MGST1: variants seen among roughly 807,000 people sequenced by gnomAD.
MGST1 encodes glutathione S-transferase 12.
Under a neutral mutation model 8.9 loss-of-function variants are expected in MGST1, and 5 were observed. The ratio of observed to expected loss-of-function variants is 0.56; its 90% CI spans 0.29 to 1.19. The LOEUF (loss-of-function observed/expected upper bound fraction) is 1.19. MGST1 is among the 50% of genes most tolerant of loss of function. The pLI, the probability that MGST1 is intolerant of heterozygous loss-of-function variation, is 0.08. For synonymous variants in MGST1, 54 were observed against 67.8 expected (o/e 0.80, Z 1.00); for missense variants, 182 against 187.4 (o/e 0.97, Z 0.17).
chr12:16,472,894 G>C (rs1476273520), intron 4 of MGST1, among the ~76,000 whole-genome samples: 5 of 152,158 alleles, frequency 3.3e-5, no homozygotes, highest in Non-Finnish European at 7.4e-5. Context: ...TTTGAGCCAA[G>C]CTCTAAAGGC....
At chr12:16,488,766 A>G (rs917549261) in intron 4 of MGST1, among the ~76,000 whole-genome samples, 1 of 152,116 alleles carries the variant, frequency 6.6e-6, no homozygotes, top group Non-Finnish European at 1.5e-5. Context: ...CCATAATGTC[A>G]TGAGTGTGCA....
chr12:16,452,314 TTGCCACATCATATACTAGTGGATG>T (rs1323125139), intron 4 of MGST1, among the ~76,000 whole-genome samples: 1 of 151,722 alleles, frequency 6.6e-6, no homozygotes, highest in African/African-American at 2.4e-5. Context: ...GATAGCAAGA[TTGCCACATCATATACTAGTGGATG>T]CTCTCAAATT....
At chr12:16,394,378 C>G (rs1317021098) in intron 1 of MGST1, among the ~76,000 whole-genome samples, 1 of 148,582 alleles carries the variant, frequency 6.7e-6, no homozygotes, top group Non-Finnish European at 1.5e-5. Context: ...CTTTCTTTCT[C>G]TTTCTTTTTC....
intron 4 of MGST1, among the ~76,000 whole-genome samples, chr12:16,558,634 C>T (rs997156430): frequency 6.6e-5 from 10 of 152,032 alleles, no homozygotes; most frequent in Admixed American, 1.3e-4. Context: ...ATTCTCAGTA[C>T]TTGCTGGGAA....
exon 4 of MGST1, chr12:16,376,447 G>A (rs1033938078): frequency 1.4e-5 from 3 of 217,760 alleles, no homozygotes; most frequent in Non-Finnish European, 2.7e-5. Context: ...AAATGCAAAG[G>A]ATTAAAATAG....
chr12:16,578,681 G>T (rs866092087), intron 4 of MGST1, among the ~76,000 whole-genome samples: 7 of 152,018 alleles, frequency 4.6e-5, no homozygotes, highest in African/African-American at 1.7e-4. Context: ...AGCCAGGTGT[G>T]GTGGTGCATG....
chr12:16,421,291 T>A (rs1940833195), intron 1 of MGST1, among the ~76,000 whole-genome samples: 1 of 152,160 alleles, frequency 6.6e-6, no homozygotes, highest in African/African-American at 2.4e-5. Flanking sequence ...TGGTGACTCC[T>A]TTCCTTCCCT....
chr12:16,564,703 T>C (rs1942529015), intron 4 of MGST1, among the ~76,000 whole-genome samples: 1 of 152,196 alleles, frequency 6.6e-6, no homozygotes, highest in Non-Finnish European at 1.5e-5. Context: ...AATGCACAAA[T>C]ATGTCACTGC....
intron 4 of MGST1, among the ~76,000 whole-genome samples, chr12:16,469,772 A>G (rs1248138305): frequency 6.6e-6 from 1 of 152,204 alleles, no homozygotes; most frequent in Non-Finnish European, 1.5e-5. Flanking sequence ...GTAATTTGTA[A>G]TTATCTCAAA....
At chr12:16,421,240 T>C (rs1940832887) in intron 1 of MGST1, among the ~76,000 whole-genome samples, 1 of 152,132 alleles carries the variant, frequency 6.6e-6, no homozygotes, top group Admixed American at 6.6e-5. Flanking sequence ...AGAGTAGCCA[T>C]ATCTCCCCCT....
rs1036098212 is a variant in MGST1, at chr12:16,479,659, G to A, written n.482+96055G>A. Reference sequence around the variant, plus strand: ...AGCCATCCTCCCACCTCAGCCTCCTGAGGGGCTGGGACTACAGGTGCATGC... The same window carrying A: ...AGCCATCCTCCCACCTCAGCCTCCTAAGGGGCTGGGACTACAGGTGCATGC... On this transcript the variant is annotated intron_variant and non_coding_transcript_variant, in intron 4 of 4. Transcript: ENST00000538857. 7.3e-5 allele frequency among the ~76,000 whole-genome samples: 11 copies of A among 150,930 alleles called. No homozygotes were observed. In the East Asian group the frequency reaches 1.8e-3, roughly 24 times the overall value.
intron 1 of MGST1, among the ~76,000 whole-genome samples, chr12:16,430,883 C>T (rs1008676191): frequency 6.6e-6 from 1 of 152,174 alleles, no homozygotes; most frequent in African/African-American, 2.4e-5. Flanking sequence ...TCCTCTCTAG[C>T]TGTGAAAGTC....
rs720146 is a variant in MGST1 at position 16,392,529 on chromosome 12, C to G, written n.778+8925C>G. On this transcript the variant is annotated intron_variant and non_coding_transcript_variant, in intron 1 of 1. Transcript: ENST00000359720. ...TTCCATACATTTCAGTTTCATTTTT[C>G]TCCCAGTATGTACATAGTTTGAATG... Among the ~76,000 whole-genome samples, 191 of 152,314 alleles carry G rather than the reference C, an allele frequency of 1.3e-3. 3 individuals are homozygous for G. The East Asian group carries it at 0.031, about 25-fold the overall frequency.
At chr12:16,434,704 G>A (rs1169333308) in intron 1 of MGST1, among the ~76,000 whole-genome samples, 1 of 151,712 alleles carries the variant, frequency 6.6e-6, no homozygotes, top group Non-Finnish European at 1.5e-5. Context: ...AGAAGTGGGA[G>A]TGCTAAATTG....
intron 4 of MGST1, among the ~76,000 whole-genome samples, chr12:16,577,694 AGAG>A (rs1391555541): frequency 6.6e-6 from 1 of 152,178 alleles, no homozygotes; most frequent in East Asian, 1.9e-4. Flanking sequence ...GCACACATCT[AGAG>A]GAGAATTTTT....
chr12:16,446,691 G>T (rs541439946), intron 4 of MGST1, among the ~76,000 whole-genome samples: 1 of 151,882 alleles, frequency 6.6e-6, no homozygotes, highest in Admixed American at 6.6e-5. Context: ...CAAAATCTCT[G>T]TGACAGCCCC....
chr12:16,473,087 A>C (rs996020695), intron 4 of MGST1, among the ~76,000 whole-genome samples: 5 of 152,212 alleles, frequency 3.3e-5, no homozygotes, highest in African/African-American at 1.2e-4. Context: ...ATGCGACTTG[A>C]TAACTTTTAA....
chr12:16,380,660 T>C (rs1324191551), downstream of MGST1, among the ~76,000 whole-genome samples: 3 of 152,278 alleles, frequency 2.0e-5, no homozygotes, highest in Admixed American at 6.5e-5. Context: ...CTATTAGGTC[T>C]GCTTGGTGCA....
chr12:16,378,443 G>T (rs1029675693), downstream of MGST1, among the ~76,000 whole-genome samples: 1 of 152,176 alleles, frequency 6.6e-6, no homozygotes, highest in Non-Finnish European at 1.5e-5. Context: ...GTTTGTCAAA[G>T]ATCAGATAGT....
Sources: allele counts gnomAD v4.1 joint callset (sites outside exome capture counted in the v4.1 genomes callset), GRCh38; gene constraint gnomAD v4.1.1; transcripts MANE v1.5; gene names NCBI Gene and HGNC (gene_info 2026-07-23, HGNC 2026-07-21).